Variants in AGO1 observed in about 807,000 individuals in gnomAD.
AGO1 encodes the protein argonaute RISC component 1, also known as protein argonaute-1.
AGO1 carries 11 observed loss-of-function variants against 109.2 expected under a neutral mutation model. That is an observed-to-expected ratio of 0.10 (90% confidence interval 0.06 to 0.17). AGO1 has a LOEUF of 0.17. Ranked by LOEUF, AGO1 falls within the 10% of genes least tolerant of loss-of-function variation. The probability of loss-of-function intolerance (pLI) is 1.00; values close to 1 mark genes in which losing one functional copy is unlikely to be tolerated. For synonymous variants in AGO1, 422 were observed against 418.6 expected (o/e 1.01, Z -0.10); for missense variants, 574 against 1,140.3 (o/e 0.50, Z 7.15).
chr1:35,917,489 C>A, intron 15 of AGO1, 104 bp from the exon 16 acceptor site: 1 of 1,363,744 alleles, frequency 7.3e-7, no homozygotes, highest in Non-Finnish European at 9.9e-7. Context: ...GGAGACTGAG[C>A]CAAAAGTTAT....
Position 35,894,140 on chromosome 1 carries a change from T to C in AGO1, c.753T>C (p.Ser251=). The C allele has an allele frequency of 6.3e-7, 1 of 1,580,422 alleles. No homozygotes were observed. The highest frequency in any genetic ancestry group is 8.6e-7 in the Non-Finnish European group (1 of 1,163,730). Residue 251 remains serine, a synonymous_variant, in exon 6 of 19, where the codon TCT becomes TCC. Coordinates refer to ENST00000373204, the MANE Select transcript of AGO1 (RefSeq NM_012199.5). ...IDEQPKPLTD[S]QRVRFTKEIK... ...AGCAGCCCAAGCCCCTCACGGACTC[T>C]CAGCGCGTTCGCTTCACCAAGGAGA...
At chr1:35,905,110 A>G (rs369590656) in intron 11 of AGO1, among the ~76,000 whole-genome samples, 1 of 152,208 alleles carries the variant, frequency 6.6e-6, no homozygotes, top group African/African-American at 2.4e-5. Flanking sequence ...AGCATTGGAC[A>G]CAGTATTCCA....
intron 2 of AGO1, 53 bp from the exon 3 acceptor site, chr1:35,892,504 C>G (rs932943323): frequency 6.2e-7 from 1 of 1,613,044 alleles, no homozygotes; most frequent in Non-Finnish European, 8.5e-7. Context: ...ACTTCCAAAA[C>G]TTGAAGTGGT....
At chr1:35,880,184 A>G (rs1187449792), upstream of AGO1, among the ~76,000 whole-genome samples, 1 of 152,132 alleles carries the variant, frequency 6.6e-6, no homozygotes, top group African/African-American at 2.4e-5. Flanking sequence ...CCTGTTTTTA[A>G]GGAACTTAGA....
intron 2 of AGO1, among the ~76,000 whole-genome samples, chr1:35,890,595 T>C (rs1645200322): frequency 6.6e-6 from 1 of 152,204 alleles, no homozygotes; most frequent in Non-Finnish European, 1.5e-5. Context: ...GCTACTAAAA[T>C]GAAACTGTTG....
chr1:35,918,916 T>A, intron 17 of AGO1, 139 bp from the exon 18 acceptor site: 1 of 769,744 alleles, frequency 1.3e-6, no homozygotes, highest in Admixed American at 2.1e-5. Context: ...AAGAGTGCTT[T>A]ATGACATTGG....
chr1:35,917,919 C>G (rs1460087684), intron 16 of AGO1, among the ~76,000 whole-genome samples, 192 bp downstream of exon 16: 1 of 152,128 alleles, frequency 6.6e-6, no homozygotes, highest in Non-Finnish European at 1.5e-5. Flanking sequence ...TCCCGTCCTT[C>G]CCTTATACTT....
rs1182705289 is a variant in AGO1, at chr1:35,923,320, A to C, written c.*3713A>C. On this transcript the variant is annotated 3_prime_UTR_variant, in exon 19 of 19. Transcript: ENST00000373204. ...TGTTTGTGAATAAGGCCAGCACTCA[A>C]GATGGGCAGCCAAGGGTGCACTGAC... 1.3e-5 allele frequency: 2 copies of C among 152,224 alleles called. No homozygotes were observed. Among genetic ancestry groups the C allele is most frequent in the Non-Finnish European group, 2.9e-5 (2 of 68,036 alleles). The allele number at this position is 152,224 out of a possible 1,614,324, so 9.4% of individuals were successfully genotyped here.
rs769350663 is a variant in AGO1 at position 35,893,987 on chromosome 1, A to C, written c.650-50A>C. 6.6e-7 allele frequency: 1 copy of C among 1,523,454 alleles called. No individual in the cohort carries two copies. Among genetic ancestry groups the C allele is most frequent in the South Asian group, 1.3e-5 (1 of 77,062 alleles). 94.4% of individuals were successfully genotyped at this position (1,523,454 alleles called of 1,614,324 possible). ...GGTATAAATTGCTGTGCCTCCATGT[A>C]TTGTGGAAGACAGAACCTGAGCTGA... On this transcript the variant is annotated intron_variant, in intron 5 of 18. Transcript: ENST00000373204. The surrounding 1 kb of genome is among the most constrained non-coding windows in gnomAD (Gnocchi z 5.6).
intron 1 of AGO1, among the ~76,000 whole-genome samples, chr1:35,877,394 T>C (rs1255992957): frequency 6.6e-6 from 1 of 152,214 alleles, no homozygotes; most frequent in Non-Finnish European, 1.5e-5. Flanking sequence ...CTTTCTCCCA[T>C]CTTTCCTTTG....
At chr1:35,914,764 T>C (rs1184967172) in intron 14 of AGO1, among the ~76,000 whole-genome samples, 1 of 152,204 alleles carries the variant, frequency 6.6e-6, no homozygotes. Flanking sequence ...TTATATTTCC[T>C]AAACCCTCAC....
Position 35,917,620 on chromosome 1 carries a change from C to T in AGO1, c.2056C>T (p.Arg686Cys). Residue 686 changes from arginine (R) to cysteine (C), a missense_variant, in exon 16 of 19, where the codon CGT becomes TGT. This residue lies in a region of AGO1 where 62 missense variants were observed against 192.0 expected (regional missense o/e 0.32). Transcript: ENST00000373204. ...ACTCCACTATGAGCTACTGGCCATTCGTGATGCCTGCATCAAACTGGAAAA... is the reference window on the plus strand; with the variant it reads ...ACTCCACTATGAGCTACTGGCCATTTGTGATGCCTGCATCAAACTGGAAAA... ...QILHYELLAIRDACIKLEKDY... is the reference protein window; with the variant it reads ...QILHYELLAICDACIKLEKDY... 6.2e-7 allele frequency: 1 copy of T among 1,613,392 alleles called. No individual in the cohort carries two copies.
In AGO1 at chr1:35,925,701, A is replaced by ACATTAT. The variant is rs1645914549; in HGVS notation, c.*6095_*6096insATTATC. On this transcript the variant is annotated 3_prime_UTR_variant, in exon 19 of 19. Transcript: ENST00000373204. ...TTCCTGAATCTTCAGGTAAGCAGATACTTAACTACATTATCATTGTCTTTT... is the reference window on the plus strand; with the variant it reads ...TTCCTGAATCTTCAGGTAAGCAGATACATTATCTTAACTACATTATCATTGTCTTTT... 6.6e-5 allele frequency: 10 copies of ACATTAT among 152,050 alleles called. No homozygotes were observed. The highest frequency in any genetic ancestry group is 5.2e-4 in the Admixed American group (8 of 15,250). The allele number at this position is 152,050 out of a possible 1,614,324, so 9.4% of individuals were successfully genotyped here.
At chr1:35,905,216 A>C (rs533041878) in intron 11 of AGO1, among the ~76,000 whole-genome samples, 128 of 152,306 alleles carry the variant, frequency 8.4e-4, no homozygotes, top group Non-Finnish European at 1.4e-3. Flanking sequence ...CTGGCTTTTT[A>C]ATAGCTACAT....
chr1:35,918,461 G>C, intron 17 of AGO1, 38 bp downstream of exon 17: 7 of 1,491,544 alleles, frequency 4.7e-6, no homozygotes, highest in Non-Finnish European at 6.6e-6. Flanking sequence ...ATGGGTCAAA[G>C]ATGAGTTGTT....
intron 8 of AGO1, 149 bp downstream of exon 8, chr1:35,895,418 T>A: frequency 1.1e-6 from 1 of 882,396 alleles, no homozygotes; most frequent in South Asian, 1.9e-5. Context: ...GGCCTCATTC[T>A]TACCTGCTAA....
chr1:35,898,413 C>A lies in AGO1; in HGVS notation c.1021-3061C>A, dbSNP rs550104738. On this transcript the variant is annotated intron_variant, in intron 8 of 18. Coordinates refer to ENST00000373204, the MANE Select transcript of AGO1 (RefSeq NM_012199.5). The stretch of plus-strand genomic sequence containing the variant: ...CTGGGAATGCAGGCGCCGACCACCA[C>A]GCCTGGCTAATTTTTTGTATTTTTA... Among the ~76,000 whole-genome samples the A allele has an allele frequency of 2.2e-4, 33 of 152,198 alleles. No homozygotes were observed. In the East Asian group the frequency reaches 6.0e-3, roughly 28 times the overall value.
At chr1:35,911,921 T>C (rs1300246625) in intron 12 of AGO1, among the ~76,000 whole-genome samples, 1 of 152,208 alleles carries the variant, frequency 6.6e-6, no homozygotes, top group African/African-American at 2.4e-5. Flanking sequence ...GATACAACAC[T>C]ATCTTAGTCT....
In AGO1 at chr1:35,922,773, C is replaced by T. The variant is rs1645857860; in HGVS notation, c.*3166C>T. 1 of 152,336 alleles carries T rather than the reference C, an allele frequency of 6.6e-6. No individual in the cohort carries two copies. Among genetic ancestry groups the T allele is most frequent in the Non-Finnish European group, 1.5e-5 (1 of 68,138 alleles). The allele number at this position is 152,336 out of a possible 1,614,324, so 9.4% of individuals were successfully genotyped here. ...ATGTCCACCTGGGCTGGACTGCCCT[C>T]AAGCTTATACTAGAGAAGAGCAACT... On this transcript the variant is annotated 3_prime_UTR_variant, in exon 19 of 19. Coordinates refer to ENST00000373204, the MANE Select transcript of AGO1 (RefSeq NM_012199.5).
Sources: allele counts gnomAD v4.1 joint callset (sites outside exome capture counted in the v4.1 genomes callset), GRCh38; gene constraint gnomAD v4.1.1; regional missense constraint gnomAD v4.1.1; non-coding constraint Gnocchi (gnomAD v3.1); transcripts MANE v1.5; gene names NCBI Gene and HGNC (gene_info 2026-07-23, HGNC 2026-07-21).